Variants in SCYL3 observed in about 807,000 individuals in gnomAD.
SCYL3 encodes SCY1 like pseudokinase 3.
In SCYL3, 35 loss-of-function variants were observed where a neutral mutation model predicts 73.8. The observed-to-expected ratio is 0.47, with a 90% CI of 0.36 to 0.63. SCYL3 has a LOEUF of 0.63. Among genes scored for constraint, SCYL3 ranks in the 20% least tolerant of loss-of-function variants. The probability of loss-of-function intolerance (pLI) is 0.00; values close to 1 mark genes in which losing one functional copy is unlikely to be tolerated. For missense variants in SCYL3, 712 were observed against 798.9 expected (o/e 0.89, Z 1.31); for synonymous variants, 277 against 295.2 (o/e 0.94, Z 0.63).
chr1:169,874,586 C>T (rs1176405451), intron 4 of SCYL3, among the ~76,000 whole-genome samples: 1 of 152,132 alleles, frequency 6.6e-6, no homozygotes, highest in Non-Finnish European at 1.5e-5. Flanking sequence ...TGTGGGAACA[C>T]AGCTGAACTG....
In SCYL3 at chr1:169,852,245, C is replaced by T; in HGVS notation, c.*1468G>A. On this transcript the variant is annotated 3_prime_UTR_variant, in exon 13 of 13. Coordinates refer to ENST00000367771, the MANE Select transcript of SCYL3 (RefSeq NM_020423.7). Reference sequence around the variant, plus strand: ...CACAGAAGAAAATGAAAGAAACTTACTCCTAAATGTTTAGTTTGATTCCTT... The same window carrying T: ...CACAGAAGAAAATGAAAGAAACTTATTCCTAAATGTTTAGTTTGATTCCTT... 2.8e-6 allele frequency: 1 copy of T among 356,990 alleles called. No homozygotes were observed. Among genetic ancestry groups the T allele is most frequent in the Non-Finnish European group, 5.1e-6 (1 of 195,020 alleles). 22.1% of individuals were successfully genotyped at this position (356,990 alleles called of 1,614,324 possible).
At chr1:169,862,858 T>A in intron 9 of SCYL3, 61 bp from the exon 10 acceptor site, 1 of 1,516,724 alleles carries the variant, frequency 6.6e-7, no homozygotes, top group Non-Finnish European at 9.1e-7. Flanking sequence ...TGAAAAGTAT[T>A]AAGCATAATT....
At position 169,874,664 on chromosome 1, in the gene SCYL3, A is replaced by G. The variant is rs546574535; in HGVS notation, c.466-912T>C. ...AGTGAGGCCAGGCTCGGTGGCTCATATCTGTAATCCCAGCACTTTGGGAGG... is the reference window on the plus strand; with the variant it reads ...AGTGAGGCCAGGCTCGGTGGCTCATGTCTGTAATCCCAGCACTTTGGGAGG... On this transcript the variant is annotated intron_variant, in intron 4 of 12. Coordinates refer to ENST00000367771, the MANE Select transcript of SCYL3 (RefSeq NM_020423.7). Among the ~76,000 whole-genome samples the G allele has an allele frequency of 3.3e-5, 5 of 152,288 alleles. No homozygotes were observed. The South Asian group carries it at 6.2e-4, about 19-fold the overall frequency.
At chr1:169,876,752 G>A (rs1313552532) in intron 3 of SCYL3, among the ~76,000 whole-genome samples, 4 of 151,868 alleles carry the variant, frequency 2.6e-5, no homozygotes, top group Admixed American at 2.0e-4. Flanking sequence ...TCAGGAGATC[G>A]AGACCATCCT....
rs111962108 is a variant in SCYL3 at position 169,849,976 on chromosome 1, C to G, written c.*3737G>C. The G allele has an allele frequency of 3.8e-3, 1,816 of 479,110 alleles. 36 individuals carry two copies. The highest frequency in any genetic ancestry group is 0.032 in the African/African-American group (1,669 of 51,918). 29.7% of individuals were successfully genotyped at this position (479,110 alleles called of 1,614,324 possible). ...CCTAAACCTGTAAGATGGGTTGCTC[C>G]TTTACTCTTACTGCATTTGCTGTAT... On this transcript the variant is annotated 3_prime_UTR_variant, in exon 13 of 13. Transcript: ENST00000367771.
At chr1:169,864,730 C>A (rs565286539) in intron 8 of SCYL3, among the ~76,000 whole-genome samples, 1 of 152,148 alleles carries the variant, frequency 6.6e-6, no homozygotes, top group Admixed American at 6.5e-5. Flanking sequence ...GCGGCCGCGG[C>A]GGGCAGATCA....
At chr1:169,880,762 CTTTTT>C (rs369829919) in intron 2 of SCYL3, among the ~76,000 whole-genome samples, 6 of 138,522 alleles carry the variant, frequency 4.3e-5, no homozygotes, top group Non-Finnish European at 9.3e-5. Context: ...ATGAAGGCCA[CTTTTT>C]TTTTTTTTTT....
At position 169,864,625 on chromosome 1, in the gene SCYL3, T is replaced by C. The variant is rs553646293; in HGVS notation, c.816-117A>G. On this transcript the variant is annotated intron_variant, in intron 8 of 12. Transcript: ENST00000367771. ...TTCTATCAAAGTGATGCATTTGAAA[T>C]GGAGATAGAGAAGGTGAACAGATTG... 11 of 1,087,024 alleles carry C rather than the reference T, an allele frequency of 1.0e-5. No individual in the cohort carries two copies. The African/African-American group carries it at 1.8e-4, about 18-fold the overall frequency. The allele number at this position is 1,087,024 out of a possible 1,614,324, so 67.3% of individuals were successfully genotyped here. A position where few individuals can be genotyped will look rare whatever the true frequency, so the allele number is the denominator to read the frequency against.
chr1:169,859,188 T>C lies in SCYL3; in HGVS notation c.1165A>G (p.Ser389Gly). 1 of 1,612,804 alleles carries C rather than the reference T, an allele frequency of 6.2e-7. No individual in the cohort carries two copies. The highest frequency in any genetic ancestry group is 8.5e-7 in the Non-Finnish European group (1 of 1,179,554). The part of the protein sequence containing the change: ...PQVLLGLRDT[S>G]DSIVAITLHS... Reference sequence around the variant, plus strand: ...AGAGTAATTGCCACAATGGAATCGCTAGTATCACGCAGGCCCAGCAAAACC... The same window carrying C: ...AGAGTAATTGCCACAATGGAATCGCCAGTATCACGCAGGCCCAGCAAAACC... Residue 389 changes from serine (S) to glycine (G), a missense_variant, in exon 11 of 13, where the codon AGC becomes GGC. Around this residue, in one of 2 missense-constraint regions of SCYL3, gnomAD observed 370 missense variants for 350.8 expected, o/e 1.05. Transcript: ENST00000367771.
rs559879106 is a variant in SCYL3, at chr1:169,879,086, C to T, written c.166-267G>A. Among the ~76,000 whole-genome samples, 13 of 152,312 alleles carry T rather than the reference C, an allele frequency of 8.5e-5. No homozygotes were observed. The South Asian group carries it at 2.5e-3, about 29-fold the overall frequency. On this transcript the variant is annotated intron_variant, in intron 2 of 12. Transcript: ENST00000367771. ...AAGCCTCATAAGAGCCCAGATCCCT[C>T]AACGATTACTGCTATAAACTGAACA...
chr1:169,858,822 G>A (rs570221955), intron 11 of SCYL3, among the ~76,000 whole-genome samples: 2 of 151,524 alleles, frequency 1.3e-5, no homozygotes, highest in Non-Finnish European at 2.9e-5. Context: ...CTCTATGCAC[G>A]TGTAAACATA....
chr1:169,882,227 C>G (rs546576865), intron 2 of SCYL3, among the ~76,000 whole-genome samples: 1 of 152,206 alleles, frequency 6.6e-6, no homozygotes, highest in South Asian at 2.1e-4. Context: ...CCCTGCCACC[C>G]GGGGCAATGA....
intron 1 of SCYL3, among the ~76,000 whole-genome samples, chr1:169,891,566 C>T (rs549450897): frequency 9.2e-5 from 14 of 152,268 alleles, no homozygotes; most frequent in Admixed American, 2.6e-4. Context: ...CTAGTCTGAC[C>T]GTCTCTCTCT....
intron 7 of SCYL3, among the ~76,000 whole-genome samples, chr1:169,867,747 G>C (rs1433265304): frequency 2.0e-5 from 3 of 152,204 alleles, no homozygotes; most frequent in Admixed American, 6.5e-5. Flanking sequence ...GGCTCCTACT[G>C]TTGTCTCTTA....
intron 7 of SCYL3, among the ~76,000 whole-genome samples, chr1:169,867,774 A>C (rs1168971045): frequency 6.6e-6 from 1 of 152,222 alleles, no homozygotes; most frequent in Non-Finnish European, 1.5e-5. Context: ...GTTTCTCCCC[A>C]CATTAACAGT....
rs151324190 is a variant in SCYL3, at chr1:169,854,521, C to A, written c.1756G>T (p.Val586Leu). The A allele has an allele frequency of 1.5e-5, 24 of 1,613,974 alleles. No individual in the cohort carries two copies. In the East Asian group the frequency reaches 5.3e-4, roughly 36 times the overall value. ...DDADQIEPPK[V>L]SSQERPLKVP... Reference sequence around the variant, plus strand: ...TTAAGGGGCCTTTCTTGTGATGACACTTTTGGCGGCTCGATTTGGTCTGCG... The same window carrying A: ...TTAAGGGGCCTTTCTTGTGATGACAATTTTGGCGGCTCGATTTGGTCTGCG... The change falls in exon 12 of 13, where the codon GTG (valine) becomes TTG (leucine). Residue 586 changes from valine to leucine, a missense_variant. Val to Leu is a conservative substitution (Grantham distance 32). Coordinates refer to ENST00000367771, the MANE Select transcript of SCYL3 (RefSeq NM_020423.7).
In SCYL3 at chr1:169,857,415, G is replaced by A. The variant is rs193130916; in HGVS notation, c.1312+1626C>T. On this transcript the variant is annotated intron_variant, in intron 11 of 12. Coordinates refer to ENST00000367771, the MANE Select transcript of SCYL3 (RefSeq NM_020423.7). ...GTTACTTATAATACCTTTATTTTTT[G>A]GTTTCTTTTCTGAGTATTTTTGATC... is the stretch of plus-strand genomic sequence containing the variant. Among the ~76,000 whole-genome samples, 5 of 152,118 alleles carry A rather than the reference G, an allele frequency of 3.3e-5. No homozygotes were observed. The East Asian group carries it at 9.7e-4, about 29-fold the overall frequency.
In SCYL3 at chr1:169,853,001, G is replaced by GCAGAACTGGGTTTGATGCTTT; in HGVS notation, c.*691_*711dup. 3.1e-6 allele frequency: 5 copies of GCAGAACTGGGTTTGATGCTTT among 1,612,478 alleles called. No individual in the cohort carries two copies. The highest frequency in any genetic ancestry group is 4.2e-6 in the Non-Finnish European group (5 of 1,178,686). On this transcript the variant is annotated 3_prime_UTR_variant, in exon 13 of 13. Transcript: ENST00000367771. ...ACTCTAGGGTGAAACTTATCACTAGGCAGAACTGGGTTTGATGCTTTGTCA... is the reference window on the plus strand; with the variant it reads ...ACTCTAGGGTGAAACTTATCACTAGGCAGAACTGGGTTTGATGCTTTCAGAACTGGGTTTGATGCTTTGTCA...
In SCYL3 at chr1:169,880,624, C is replaced by A. The variant is rs144321383; in HGVS notation, c.166-1805G>T. Among the ~76,000 whole-genome samples, 4 of 151,310 alleles carry A rather than the reference C, an allele frequency of 2.6e-5. No homozygotes were observed. In the East Asian group the frequency reaches 7.7e-4, roughly 29 times the overall value. On this transcript the variant is annotated intron_variant, in intron 2 of 12. Transcript: ENST00000367771. ...AAAAAAAAAAACAGAAAATTTCTTG[C>A]CAGAAGACCTGCTATATAAAAAATG...
Sources: gnomAD v4.1 joint callset for allele counts (sites outside exome capture counted in the v4.1 genomes callset) on GRCh38, gnomAD v4.1.1 for gene constraint, gnomAD v4.1.1 regional missense constraint, MANE v1.5 for transcripts, NCBI Gene and HGNC (gene_info 2026-07-23, HGNC 2026-07-21) for gene names.